CHRDL1: variants seen among roughly 807,000 people sequenced by gnomAD.
The protein encoded by CHRDL1 is chordin like 1.
CHRDL1 carries 19 observed loss-of-function variants against 40.9 expected under a neutral mutation model. The observed-to-expected ratio is 0.46, with a 90% CI of 0.32 to 0.68. The LOEUF (loss-of-function observed/expected upper bound fraction) is 0.68. Ranked by LOEUF, CHRDL1 falls within the 30% of genes least tolerant of loss-of-function variation. The pLI is 0.03. For missense variants in CHRDL1, 329 were observed against 352.1 expected, an observed-to-expected ratio of 0.93 and a Z score of 0.53; for synonymous variants, 136 against 123.4, an observed-to-expected ratio of 1.10 and a Z score of -0.68.
intron 2 of CHRDL1, among the ~76,000 whole-genome samples, chrX:110,772,835 G>C (rs1243072017): frequency 8.9e-6 from 1 of 112,441 alleles, no homozygotes; most frequent in Non-Finnish European, 1.9e-5. Context: ...TAAATATTTG[G>C]ATAGTAATAT....
Position 110,689,638 on chromosome X carries a change from CTA to C in CHRDL1, c.779-837_779-836del, listed in dbSNP as rs1275734403. Among the ~76,000 whole-genome samples, 40 of 11,113 alleles carry C rather than the reference CTA, an allele frequency of 3.6e-3. 3 individuals carry two copies. Among genetic ancestry groups the C allele is most frequent in the Non-Finnish European group, 4.5e-3 (33 of 7,390 alleles). The allele number at this position is 11,113 out of a possible 115,157, so 9.7% of individuals were successfully genotyped here. On this transcript the variant is annotated intron_variant, in intron 8 of 11. Transcript: ENST00000372042. ...TCTATATATCTATATATCTATATAT[CTA>C]TATATATCTATATATCATCTATATA...
At chrX:110,743,189 G>A (rs965994132) in intron 4 of CHRDL1, among the ~76,000 whole-genome samples, 1 of 112,712 alleles carries the variant, frequency 8.9e-6, no homozygotes, top group Non-Finnish European at 1.9e-5. Context: ...AGTTCTATTG[G>A]ACAGTGCTGG....
chrX:110,677,686 C>G (rs2069807588), intron 11 of CHRDL1, among the ~76,000 whole-genome samples: 2 of 111,818 alleles, frequency 1.8e-5, no homozygotes, highest in South Asian at 3.8e-4. Context: ...CTCATACTGT[C>G]CTGTTATTTT....
At chrX:110,764,716 T>C (rs969177606) in intron 2 of CHRDL1, among the ~76,000 whole-genome samples, 2 of 111,606 alleles carry the variant, frequency 1.8e-5, no homozygotes, top group Non-Finnish European at 3.8e-5. Flanking sequence ...TAAATGGACA[T>C]GCAAGTAGGG....
rs189838228 is a variant in CHRDL1 at position 110,773,471 on chromosome X, G to A, written c.95-10664C>T. 2.5e-3 allele frequency among the ~76,000 whole-genome samples: 282 copies of A among 111,370 alleles called. 2 individuals carry two copies. The highest frequency in any genetic ancestry group is 8.6e-3 in the African/African-American group (263 of 30,644). ...GGGCCGGGCACGGTGGCTCACGCCT[G>A]TAATCCCAGCACTTTGGGAGGCCGA... On this transcript the variant is annotated intron_variant, in intron 2 of 11. Coordinates refer to ENST00000372042, the MANE Select transcript of CHRDL1 (RefSeq NM_001143981.2).
At chrX:110,772,315 A>G (rs960725764) in intron 2 of CHRDL1, among the ~76,000 whole-genome samples, 9 of 112,984 alleles carry the variant, frequency 8.0e-5, no homozygotes, top group Non-Finnish European at 1.5e-4. Flanking sequence ...ACAATTTTGC[A>G]AAAGAAACAT....
At chrX:110,731,009 G>A (rs2071149578) in intron 4 of CHRDL1, among the ~76,000 whole-genome samples, 1 of 111,352 alleles carries the variant, frequency 9.0e-6, no homozygotes, top group Non-Finnish European at 1.9e-5. Flanking sequence ...TTCTGCACTT[G>A]ATGGTCTCTT....
At chrX:110,764,994 G>A (rs771759421) in intron 2 of CHRDL1, among the ~76,000 whole-genome samples, 3 of 111,665 alleles carry the variant, frequency 2.7e-5, no homozygotes, top group African/African-American at 3.3e-5. Context: ...TAAGTGCACC[G>A]CTGAACATAG....
At chrX:110,705,304 T>TATACAC (rs1491498596) in intron 6 of CHRDL1, among the ~76,000 whole-genome samples, 45 of 77,590 alleles carry the variant, frequency 5.8e-4, no homozygotes, top group African/African-American at 2.5e-3. Flanking sequence ...TATATATATA[T>TATACAC]ACACACACAC....
At chrX:110,737,720 T>G (rs992277347) in intron 4 of CHRDL1, among the ~76,000 whole-genome samples, 1 of 112,027 alleles carries the variant, frequency 8.9e-6, no homozygotes, top group Non-Finnish European at 1.9e-5. Context: ...GAGGTATAAA[T>G]GCAGGCAATC....
chrX:110,758,482 A>G (rs1176964402), intron 4 of CHRDL1, among the ~76,000 whole-genome samples: 1 of 111,553 alleles, frequency 9.0e-6, no homozygotes, highest in East Asian at 2.8e-4. Context: ...GCAGGAAAAT[A>G]TATTTTATAA....
intron 4 of CHRDL1, among the ~76,000 whole-genome samples, chrX:110,740,049 A>G (rs901411934): frequency 1.8e-5 from 2 of 112,641 alleles, no homozygotes; most frequent in Non-Finnish European, 3.7e-5. Context: ...TGGTCTACAC[A>G]GCATTTTAGG....
chrX:110,762,680 C>T lies in CHRDL1; in HGVS notation c.207+15G>A. On this transcript the variant is annotated intron_variant, in intron 3 of 11. Transcript: ENST00000372042. Reference sequence around the variant, plus strand: ...AGGAGCAAACTGGGAAATCACATGTCATGAGAGATTGTACCTCTGAGCAGA... The same window carrying T: ...AGGAGCAAACTGGGAAATCACATGTTATGAGAGATTGTACCTCTGAGCAGA... 1.0e-6 allele frequency: 1 copy of T among 994,968 alleles called. No homozygotes were observed. Among genetic ancestry groups the T allele is most frequent in the Non-Finnish European group, 1.4e-6 (1 of 705,366 alleles). The allele number at this position is 994,968 out of a possible 1,213,427, so 82.0% of individuals were successfully genotyped here.
intron 5 of CHRDL1, among the ~76,000 whole-genome samples, chrX:110,720,800 G>A (rs1236880746): frequency 9.0e-6 from 1 of 110,902 alleles, no homozygotes; most frequent in African/African-American, 3.3e-5. Flanking sequence ...TATATTCTCC[G>A]GACTGCATAT....
intron 4 of CHRDL1, among the ~76,000 whole-genome samples, chrX:110,743,861 C>T (rs1021888409): frequency 3.6e-5 from 4 of 110,924 alleles, no homozygotes; most frequent in East Asian, 2.8e-4. Context: ...ATGAGAGTCA[C>T]GTGTGTGTGT....
At chrX:110,690,716 G>C (rs1387998404) in intron 8 of CHRDL1, among the ~76,000 whole-genome samples, 2 of 111,494 alleles carry the variant, frequency 1.8e-5, no homozygotes, top group African/African-American at 6.5e-5. Flanking sequence ...AAAGGACCAA[G>C]CCCTCCTGGG....
At chrX:110,761,404 C>G (rs2089560912) in intron 3 of CHRDL1, among the ~76,000 whole-genome samples, 2 of 112,192 alleles carry the variant, frequency 1.8e-5, no homozygotes, top group Admixed American at 1.9e-4. Context: ...TGTTCCTGCT[C>G]TAGCTGGGCA....
intron 2 of CHRDL1, among the ~76,000 whole-genome samples, chrX:110,763,467 G>C (rs2089601529): frequency 9.2e-6 from 1 of 108,629 alleles, no homozygotes; most frequent in Non-Finnish European, 1.9e-5. Context: ...ATTCCTTTTT[G>C]TGGCTGAGTA....
At position 110,723,046 on chromosome X, in the gene CHRDL1, T is replaced by C. The variant is rs2070992088; in HGVS notation, c.302-1516A>G. 2.7e-5 allele frequency among the ~76,000 whole-genome samples: 3 copies of C among 110,778 alleles called. No homozygotes were observed. In the Admixed American group the frequency reaches 2.9e-4, roughly 11 times the overall value. On this transcript the variant is annotated intron_variant, in intron 4 of 11. Transcript: ENST00000372042. ...CGGGCGGATCACGAGGTCAGGAGAT[T>C]GAGACCATCCTGGCTAACACAGTGA... is the stretch of plus-strand genomic sequence containing the variant.
Sources: gnomAD v4.1 joint callset for allele counts (sites outside exome capture counted in the v4.1 genomes callset) on GRCh38, gnomAD v4.1.1 for gene constraint, MANE v1.5 for transcripts, NCBI Gene and HGNC (gene_info 2026-07-23, HGNC 2026-07-21) for gene names.